The following GOLGA2 variants were observed in gnomAD, a reference collection of about 807,000 sequenced individuals.
GOLGA2 encodes golgin A2.
A neutral mutation model predicts 148.8 loss-of-function variants in GOLGA2; 49 were observed. The ratio of observed to expected loss-of-function variants is 0.33; its 90% confidence interval spans 0.26 to 0.42. The LOEUF is 0.42. Among genes scored for constraint, GOLGA2 ranks in the 10% least tolerant of loss-of-function variants. The probability of loss-of-function intolerance (pLI) is 1.00; values close to 1 mark genes in which losing one functional copy is unlikely to be tolerated. For missense variants in GOLGA2, 1,178 were observed against 1,304.6 expected (o/e 0.90, Z 1.49); for synonymous variants, 501 against 511.8 (o/e 0.98, Z 0.28).
Position 128,267,500 on chromosome 9 carries a change from A to C in GOLGA2, c.519T>G (p.Asn173Lys). ...GLVCESATCVNGEGPASSANL... is the reference protein window; with the variant it reads ...GLVCESATCVKGEGPASSANL... ...TAGCAGACGATGCAGGGCCCTCCCC[A>C]TTGACACATGTCGCAGACTATAAGA... The change falls in exon 7 of 27, where the codon AAT (asparagine) becomes AAG (lysine). Residue 173 changes from asparagine (N) to lysine (K), a missense_variant. This residue lies in a region of GOLGA2 where 304 missense variants were observed against 404.1 expected (regional missense o/e 0.75). Coordinates refer to ENST00000611957, the MANE Select transcript of GOLGA2 (RefSeq NM_001366244.2). The C allele has an allele frequency of 6.2e-7, 1 of 1,613,196 alleles. No homozygotes were observed. Among genetic ancestry groups the C allele is most frequent in the South Asian group, 1.1e-5 (1 of 91,060 alleles).
chr9:128,267,211 T>A lies in GOLGA2; in HGVS notation c.625A>T (p.Ile209Phe). 6.3e-7 allele frequency: 1 copy of A among 1,589,674 alleles called. No homozygotes were observed. The highest frequency in any genetic ancestry group is 8.6e-7 in the Non-Finnish European group (1 of 1,157,794). The change falls in exon 8 of 27, where the codon ATC becomes TTC. Residue 209 changes from isoleucine to phenylalanine, a missense_variant. Transcript: ENST00000611957. Reference sequence around the variant, plus strand: ...ACTCTTACCAATTTCTCTATCGTGATATTGAGTTGTTTGTTTGTTACATAG... The same window carrying A: ...ACTCTTACCAATTTCTCTATCGTGAAATTGAGTTGTTTGTTTGTTACATAG... ...SSYVTNKQLN[I>F]TIEKLKQQNQ...
intron 13 of GOLGA2, 36 bp downstream of exon 13, chr9:128,262,998 C>A (rs566866210): frequency 1.4e-6 from 2 of 1,423,530 alleles, no homozygotes; most frequent in Non-Finnish European, 2.0e-6. Flanking sequence ...ATGCTGAGGG[C>A]CCCCAGACCT....
rs1335521893 is a variant in GOLGA2 at position 128,260,816 on chromosome 9, C to A, written c.1421-14G>T. ...GCGGGGGTTCAGCTGAGAAAGGACGCAGACAATAAAAGCCTCTGGATTCTC... is the reference window on the plus strand; with the variant it reads ...GCGGGGGTTCAGCTGAGAAAGGACGAAGACAATAAAAGCCTCTGGATTCTC... On this transcript the variant is annotated splice_polypyrimidine_tract_variant and intron_variant, in intron 17 of 26. Transcript: ENST00000611957. This position sits in a 1 kb window ranked among gnomAD's most constrained non-coding sequence, Gnocchi z 4.8. 7 of 1,558,522 alleles carry A rather than the reference C, an allele frequency of 4.5e-6. No homozygotes were observed. The highest frequency in any genetic ancestry group is 6.1e-6 in the Non-Finnish European group (7 of 1,141,892).
At chr9:128,275,522 GC>G in intron 1 of GOLGA2, 3 of 1,302,186 alleles carry the variant, frequency 2.3e-6, no homozygotes, top group South Asian at 2.6e-5. Context: ...GGAGCGGGGG[GC>G]CCCGGGAGTC....
chr9:128,258,121 C>G lies in GOLGA2; in HGVS notation c.2367G>C (p.Arg789Ser), dbSNP rs41276654. The G allele has an allele frequency of 0.033, 53,355 of 1,608,580 alleles. 994 individuals carry two copies. The highest frequency in any genetic ancestry group is 0.074 in the Middle Eastern group (450 of 6,054). Residue 789 changes from arginine (R) to serine (S), a missense_variant, in exon 23 of 27, where the codon AGG (arginine) becomes AGC (serine). This residue lies in a region of GOLGA2 where 529 missense variants were observed against 521.8 expected (regional missense o/e 1.01). Coordinates refer to ENST00000611957, the MANE Select transcript of GOLGA2 (RefSeq NM_001366244.2). The surrounding 1 kb of genome is among the most constrained non-coding windows in gnomAD (Gnocchi z 6.6). ...GGTGAGCCAGGCGCCGGCAGCGCAC[C>G]CTTTGCTCCTTCAGCTGCCCACGTA... Reference protein sequence around the residue: ...ARLRGQLKEQRVRCRRLAHLL... With the variant: ...ARLRGQLKEQSVRCRRLAHLL...
intron 19 of GOLGA2, 118 bp from the exon 20 acceptor site, chr9:128,259,509 C>T: frequency 4.7e-6 from 3 of 645,032 alleles, no homozygotes; most frequent in South Asian, 3.9e-5. Context: ...TGCTCCAGGC[C>T]TAAGTGACTG....
At chr9:128,262,880 A>G (rs1339125639) in intron 13 of GOLGA2, 154 bp downstream of exon 13, 9 of 800,652 alleles carry the variant, frequency 1.1e-5, no homozygotes, top group Admixed American at 2.0e-5. Context: ...AGGCTACACC[A>G]TGAGTCAGTG....
Position 128,272,802 on chromosome 9 carries a change from G to A in GOLGA2, c.271C>T (p.Pro91Ser), listed in dbSNP as rs920181083. Residue 91 changes from proline to serine, a missense_variant, in exon 3 of 27, where the codon CCA becomes TCA. Coordinates refer to ENST00000611957, the MANE Select transcript of GOLGA2 (RefSeq NM_001366244.2). ...LNRSNGVALP[P>S]LDKWKTPKDN... ...TGCCTCACCTTCCACTTGTCCAATG[G>A]GGGGAGCGCTACCCCATTGGAACGG... is the stretch of plus-strand genomic sequence containing the variant. 2.4e-6 allele frequency: 3 copies of A among 1,268,280 alleles called. No homozygotes were observed. Among genetic ancestry groups the A allele is most frequent in the African/African-American group, 1.5e-5 (1 of 65,358 alleles). 78.6% of individuals were successfully genotyped at this position (1,268,280 alleles called of 1,614,324 possible).
chr9:128,265,529 A>T, intron 12 of GOLGA2, 56 bp downstream of exon 12: 1 of 1,267,512 alleles, frequency 7.9e-7, no homozygotes, highest in Non-Finnish European at 1.2e-6. Context: ...CTTTAGGCTC[A>T]CTCCTCCATC....
At chr9:128,270,129 ATTT>A (rs776425049) in intron 3 of GOLGA2, among the ~76,000 whole-genome samples, 6 of 115,130 alleles carry the variant, frequency 5.2e-5, no homozygotes, top group Admixed American at 9.7e-5. Flanking sequence ...GAGGAAGGGA[ATTT>A]TTTTTTTTTT....
Position 128,275,898 on chromosome 9 carries a change from T to C in GOLGA2, c.79A>G (p.Lys27Glu). Residue 27 changes from lysine (K) to glutamate (E), a missense_variant, in exon 1 of 27, where the codon AAA (lysine) becomes GAA (glutamate). This residue lies in a region of GOLGA2 where 158 missense variants were observed against 156.6 expected (regional missense o/e 1.01). Transcript: ENST00000611957. ...CGCGACCCGGTGCACTTTACCTTTT[T>C]CTTCGCTGCGGCCAATTTGCTCTGT... ...TRQSKLAAAK[K>E]KLREYQQRNS... The C allele has an allele frequency of 1.3e-6, 2 of 1,562,240 alleles. No individual in the cohort carries two copies. The highest frequency in any genetic ancestry group is 1.1e-5 in the South Asian group (1 of 87,010).
At chr9:128,275,481 T>C (rs1449814747) in intron 1 of GOLGA2, 1 of 1,297,332 alleles carries the variant, frequency 7.7e-7, no homozygotes, top group African/African-American at 1.6e-5. Context: ...GGAGGTCCGG[T>C]TTGGGGCGGC....
intron 3 of GOLGA2, among the ~76,000 whole-genome samples, chr9:128,270,998 A>C (rs574763032): frequency 6.0e-4 from 92 of 152,154 alleles, no homozygotes; most frequent in Non-Finnish European, 1.0e-3. Context: ...GCAGTGAGCC[A>C]AGATCACACC....
intron 6 of GOLGA2, 120 bp from the exon 7 acceptor site, chr9:128,267,637 G>T (rs1040404480): frequency 2.6e-6 from 2 of 780,356 alleles, no homozygotes; most frequent in Non-Finnish European, 4.4e-6. Flanking sequence ...CCTCTGTCCC[G>T]TAACCCCTTT....
At position 128,257,621 on chromosome 9, in the gene GOLGA2, G is replaced by T; in HGVS notation, c.2698C>A (p.Gln900Lys). Residue 900 changes from glutamine (Q) to lysine (K), a missense_variant, in exon 25 of 27, where the codon CAA (glutamine) becomes AAA (lysine). By Grantham distance (53) the Gln-to-Lys change is moderately conservative (BLOSUM62 1). Transcript: ENST00000611957. The surrounding 1 kb of genome is among the most constrained non-coding windows in gnomAD (Gnocchi z 8.0). Reference sequence around the variant, plus strand: ...CCTACCTTCATCTCCTCCTTGTCTTGGGCCAGCCTGCTGATGTACTCCTCC... The same window carrying T: ...CCTACCTTCATCTCCTCCTTGTCTTTGGCCAGCCTGCTGATGTACTCCTCC... ...EKEEYISRLA[Q>K]DKEEMKVKLL... The T allele has an allele frequency of 1.9e-6, 3 of 1,614,044 alleles. No individual in the cohort carries two copies. In the South Asian group the frequency reaches 3.3e-5, roughly 18 times the overall value.
Position 128,258,736 on chromosome 9 carries a change from T to C in GOLGA2, c.2174-166A>G. 1.6e-6 allele frequency: 1 copy of C among 629,272 alleles called. No homozygotes were observed. The allele number at this position is 629,272 out of a possible 1,614,324, so 39.0% of individuals were successfully genotyped here. On this transcript the variant is annotated intron_variant, in intron 21 of 26. Coordinates refer to ENST00000611957, the MANE Select transcript of GOLGA2 (RefSeq NM_001366244.2). The surrounding 1 kb of genome is among the most constrained non-coding windows in gnomAD (Gnocchi z 6.6). ...TCTTTTTTAAGAGCCAAGGGCTCGC[T>C]ATGCTGCCCAGGTGCAGTCCCACTA...
chr9:128,258,068 T>C lies in GOLGA2; in HGVS notation c.2420A>G (p.Glu807Gly), dbSNP rs745716771. 2.8e-5 allele frequency: 45 copies of C among 1,611,228 alleles called. No individual in the cohort carries two copies. Among genetic ancestry groups the C allele is most frequent in the Non-Finnish European group, 3.8e-5 (45 of 1,179,752 alleles). The change falls in exon 23 of 27, where the codon GAG becomes GGG. Residue 807 changes from glutamate to glycine, a missense_variant. By Grantham distance (98) the Glu-to-Gly change is moderately conservative (BLOSUM62 -2). Around this residue, in one of 5 missense-constraint regions of GOLGA2, gnomAD observed 529 missense variants for 521.8 expected, o/e 1.01. Transcript: ENST00000611957. The surrounding 1 kb of genome is among the most constrained non-coding windows in gnomAD (Gnocchi z 6.6). The part of the protein sequence containing the change: ...HLLASAQKEP[E>G]AAAPAPGTGG... ...GGTCCCTGGGGCTGGGGCTGCTGCC[T>C]CAGGCTCCTTCTGGGCCGAGGCCAG...
intron 20 of GOLGA2, 25 bp downstream of exon 20, chr9:128,259,142 G>T (rs369933643): frequency 5.2e-5 from 83 of 1,600,496 alleles, no homozygotes; most frequent in Non-Finnish European, 6.8e-5. Flanking sequence ...CCCCCTCGGG[G>T]CCCTGCCCTC....
chr9:128,260,582 C>T lies in GOLGA2; in HGVS notation c.1641G>A (p.Ala547=), dbSNP rs755773036. ...AAELWGEQAE[A]RRQILETMQN... is the part of the protein sequence containing the mutation. ...GCATGGTCTCCAGGATTTGCCTGCGCGCCTCCGCCTGCTCCCCCCAGAGCT... is the reference window on the plus strand; with the variant it reads ...GCATGGTCTCCAGGATTTGCCTGCGTGCCTCCGCCTGCTCCCCCCAGAGCT... Residue 547 remains alanine (A), a synonymous_variant, in exon 18 of 27, where the codon GCG becomes GCA. Transcript: ENST00000611957. This position sits in a 1 kb window ranked among gnomAD's most constrained non-coding sequence, Gnocchi z 4.8. 27 of 1,611,706 alleles carry T rather than the reference C, an allele frequency of 1.7e-5. No individual in the cohort carries two copies. The highest frequency in any genetic ancestry group is 1.6e-4 in the Middle Eastern group (1 of 6,080).
Sources: gnomAD v4.1 joint callset for allele counts (sites outside exome capture counted in the v4.1 genomes callset) on GRCh38, gnomAD v4.1.1 for gene constraint, gnomAD v4.1.1 regional missense constraint, Gnocchi (gnomAD v3.1) non-coding constraint, MANE v1.5 for transcripts, NCBI Gene and HGNC (gene_info 2026-07-23, HGNC 2026-07-21) for gene names.